PITPNM3: variants seen among roughly 807,000 people sequenced by gnomAD.
PITPNM3 encodes the protein membrane-associated phosphatidylinositol transfer protein 3.
In PITPNM3, 26 loss-of-function variants were observed where a neutral mutation model predicts 102.0. That is an observed-to-expected ratio of 0.25 (90% CI 0.19 to 0.35). The LOEUF (loss-of-function observed/expected upper bound fraction) is 0.35. PITPNM3 is among the 10% of genes least tolerant of loss of function. PITPNM3 has a pLI of 1.00. For missense variants in PITPNM3, 1,083 were observed against 1,346.1 expected (o/e 0.80, Z 3.06); for synonymous variants, 578 against 558.6 (o/e 1.03, Z -0.49).
In PITPNM3 at chr17:6,474,508, C is replaced by T. The variant is rs376435414; in HGVS notation, c.1182G>A (p.Val394=). 12 of 1,613,268 alleles carry T rather than the reference C, an allele frequency of 7.4e-6. No homozygotes were observed. In the African/African-American group the frequency reaches 1.6e-4, roughly 22 times the overall value. Residue 394 remains valine (V), a synonymous_variant, in exon 10 of 20, where the codon GTG becomes GTA. Transcript: ENST00000262483. ...EVSLGRFDFD[V]SDFFLFGSPL... ...GCGAGCCGAAGAGGAAGAAGTCGGA[C>T]ACATCGAAGTCAAAGCGGCCCAGGC...
Position 6,455,552 on chromosome 17 carries a change from C to A in PITPNM3, c.2711G>T (p.Arg904Leu), listed in dbSNP as rs759738734. ...PKKNNSRMIL[R>L]KGSFGLHAQP... ...CGCGTGCAGCCCGAAGCTGCCCTTG[C>A]GCAGGATCATGCGCGAGTTGTTCTT... Residue 904 changes from arginine (R) to leucine (L), a missense_variant, in exon 20 of 20, where the codon CGC becomes CTC. Physicochemically the swap from Arg to Leu is moderately radical, Grantham distance 102. Coordinates refer to ENST00000262483, the MANE Select transcript of PITPNM3 (RefSeq NM_031220.4). The A allele has an allele frequency of 1.9e-6, 3 of 1,603,258 alleles. No homozygotes were observed. The highest frequency in any genetic ancestry group is 1.3e-5 in the African/African-American group (1 of 74,278).
intron 2 of PITPNM3, among the ~76,000 whole-genome samples, chr17:6,531,983 G>A (rs1415147368): frequency 6.6e-6 from 1 of 152,128 alleles, no homozygotes; most frequent in Non-Finnish European, 1.5e-5. Flanking sequence ...GTACATGCCT[G>A]TAATCCCAGC....
Position 6,457,188 on chromosome 17 carries a change from A to G in PITPNM3, c.2619+406T>C, listed in dbSNP as rs1410467871. Among the ~76,000 whole-genome samples, 1 of 151,986 alleles carries G rather than the reference A, an allele frequency of 6.6e-6. No homozygotes were observed. Among genetic ancestry groups the G allele is most frequent in the Admixed American group, 6.6e-5 (1 of 15,260 alleles). ...TGGCTTTTGCTGCTGCCTCTGTCAC[A>G]AATATTCTTCTCAATCTCAGGCCCT... On this transcript the variant is annotated intron_variant, in intron 19 of 19. Transcript: ENST00000262483. The surrounding 1 kb of genome is among the most constrained non-coding windows in gnomAD (Gnocchi z 4.7).
In PITPNM3 at chr17:6,468,718, C is replaced by T. The variant is rs977807827; in HGVS notation, c.1774-377G>A. ...TCTTGAGGACGTTGCTCCAGCCATG[C>T]TCCCCTCCCAATCCCGCAGAGCTGA... On this transcript the variant is annotated intron_variant, in intron 13 of 19. Coordinates refer to ENST00000262483, the MANE Select transcript of PITPNM3 (RefSeq NM_031220.4). This position sits in a 1 kb window ranked among gnomAD's most constrained non-coding sequence, Gnocchi z 5.2. Among the ~76,000 whole-genome samples the T allele has an allele frequency of 3.9e-5, 6 of 152,182 alleles. No homozygotes were observed. The highest frequency in any genetic ancestry group is 1.2e-4 in the African/African-American group (5 of 41,446).
intron 2 of PITPNM3, among the ~76,000 whole-genome samples, chr17:6,533,209 G>A (rs955906439): frequency 4.6e-5 from 7 of 152,014 alleles, no homozygotes; most frequent in South Asian, 2.1e-4. Context: ...TGATCCACCC[G>A]CCTCAGCCTC....
chr17:6,537,955 C>CA lies in PITPNM3; in HGVS notation c.118+31dup. 6.4e-7 allele frequency: 1 copy of CA among 1,572,212 alleles called. No individual in the cohort carries two copies. The highest frequency in any genetic ancestry group is 8.8e-7 in the Non-Finnish European group (1 of 1,142,842). ...TCTTGAGGCTTCTAGGAAGGTCACC[C>CA]AGCCAGTGATATGAGACTGGGGTTC... On this transcript the variant is annotated intron_variant, in intron 2 of 19. Transcript: ENST00000262483. This position sits in a 1 kb window ranked among gnomAD's most constrained non-coding sequence, Gnocchi z 4.4.
intron 2 of PITPNM3, among the ~76,000 whole-genome samples, chr17:6,531,405 C>G (rs984289535): frequency 6.6e-6 from 1 of 152,216 alleles, no homozygotes; most frequent in Non-Finnish European, 1.5e-5. Flanking sequence ...TAGCCAGGAA[C>G]CCTGGGAAAC....
chr17:6,524,175 C>T (rs534624832), intron 3 of PITPNM3, among the ~76,000 whole-genome samples: 11 of 152,308 alleles, frequency 7.2e-5, no homozygotes, highest in East Asian at 3.9e-4. Context: ...CCAAGGCAGC[C>T]GTTCCCGTGG....
chr17:6,539,898 A>C (rs1261720560), intron 1 of PITPNM3, among the ~76,000 whole-genome samples: 3 of 152,230 alleles, frequency 2.0e-5, no homozygotes, highest in African/African-American at 7.2e-5. Context: ...TTTAGATAGT[A>C]AGAAGCAAGA....
chr17:6,535,092 G>T (rs1909340740), intron 2 of PITPNM3, among the ~76,000 whole-genome samples: 1 of 152,176 alleles, frequency 6.6e-6, no homozygotes. Flanking sequence ...GGATGTCTGA[G>T]TGGGGCTGGA....
At chr17:6,538,425 G>A (rs770113253) in intron 1 of PITPNM3, among the ~76,000 whole-genome samples, 3 of 152,164 alleles carry the variant, frequency 2.0e-5, no homozygotes, top group African/African-American at 2.4e-5. Flanking sequence ...GAGCTCAGAC[G>A]TTTAAACATC....
Position 6,470,503 on chromosome 17 carries a change from G to A in PITPNM3, c.1625-95C>T. ...CCCATTGCACAGACTGGTGGTGGATGCCCCACGTGGGGCACGGGTTTGGGC... is the reference window on the plus strand; with the variant it reads ...CCCATTGCACAGACTGGTGGTGGATACCCCACGTGGGGCACGGGTTTGGGC... On this transcript the variant is annotated intron_variant, in intron 12 of 19. Coordinates refer to ENST00000262483, the MANE Select transcript of PITPNM3 (RefSeq NM_031220.4). This position sits in a 1 kb window ranked among gnomAD's most constrained non-coding sequence, Gnocchi z 4.8. 1 of 1,551,250 alleles carries A rather than the reference G, an allele frequency of 6.4e-7. No homozygotes were observed. The highest frequency in any genetic ancestry group is 8.9e-7 in the Non-Finnish European group (1 of 1,128,320).
In PITPNM3 at chr17:6,469,929, G is replaced by T. The variant is rs1355627099; in HGVS notation, c.1773+331C>A. ...GCCTTTCTGCTATACCTTCTGTTTT[G>T]CAGACGAGGACATTGAGACTCAGTG... is the stretch of plus-strand genomic sequence containing the variant. On this transcript the variant is annotated intron_variant, in intron 13 of 19. Transcript: ENST00000262483. This position sits in a 1 kb window ranked among gnomAD's most constrained non-coding sequence, Gnocchi z 4.0. Among the ~76,000 whole-genome samples the T allele has an allele frequency of 6.6e-6, 1 of 152,116 alleles. No homozygotes were observed. Among genetic ancestry groups the T allele is most frequent in the African/African-American group, 2.4e-5 (1 of 41,424 alleles).
In PITPNM3 at chr17:6,464,750, C is replaced by T. The variant is rs771800472; in HGVS notation, c.1912G>A (p.Ala638Thr). 1 of 1,614,196 alleles carries T rather than the reference C, an allele frequency of 6.2e-7. No individual in the cohort carries two copies. The highest frequency in any genetic ancestry group is 1.7e-5 in the Admixed American group (1 of 60,022). ...KLRNVTANHR[A>T]NDVIAAEDGP... ...TCTTCAGCAGCAATCACATCATTGG[C>T]CCGGTGATTAGCCGTGACATTCTGG... is the stretch of plus-strand genomic sequence containing the variant. Residue 638 changes from alanine (A) to threonine (T), a missense_variant, in exon 15 of 20, where the codon GCC (alanine) becomes ACC (threonine). Physicochemically the swap from Ala to Thr is moderately conservative, Grantham distance 58. Transcript: ENST00000262483.
intron 6 of PITPNM3, among the ~76,000 whole-genome samples, chr17:6,482,918 G>A (rs1015328242): frequency 2.6e-5 from 4 of 151,898 alleles, no homozygotes; most frequent in Admixed American, 1.3e-4. Flanking sequence ...CGACCCTGGG[G>A]GAAACTAGCT....
chr17:6,495,931 C>G (rs772208433), intron 4 of PITPNM3, among the ~76,000 whole-genome samples: 2 of 152,170 alleles, frequency 1.3e-5, no homozygotes, highest in Non-Finnish European at 2.9e-5. Context: ...CATCTCTGCC[C>G]GACTCAGCCC....
rs1907650648 is a variant in PITPNM3, at chr17:6,508,121, CCAG to C, written c.227-4550_227-4548del. ...CAGAGGCCGGAAGAAGCTCGGGGAC[CCAG>C]GTGCCAAGAGGCCAGGAGGTGAGTG... On this transcript the variant is annotated intron_variant, in intron 3 of 19. Coordinates refer to ENST00000262483, the MANE Select transcript of PITPNM3 (RefSeq NM_031220.4). Among the ~76,000 whole-genome samples the C allele has an allele frequency of 3.3e-5, 5 of 151,758 alleles. No homozygotes were observed. The South Asian group carries it at 1.0e-3, about 31-fold the overall frequency.
intron 6 of PITPNM3, among the ~76,000 whole-genome samples, chr17:6,482,806 G>C (rs532579029): frequency 6.6e-6 from 1 of 152,252 alleles, no homozygotes; most frequent in South Asian, 2.1e-4. Flanking sequence ...TGTGTTGACT[G>C]TTATGGTGTG....
rs199984470 is a variant in PITPNM3, at chr17:6,464,210, G to A, written c.2116C>T (p.Arg706Cys). The A allele has an allele frequency of 1.5e-5, 25 of 1,614,172 alleles. No individual in the cohort carries two copies. The highest frequency in any genetic ancestry group is 3.3e-4 in the Middle Eastern group (2 of 6,062). The stretch of plus-strand genomic sequence containing the variant: ...ACAGGATAGACACCAACCCCCAGGC[G>A]CCGGGGCCGCGGCACATTGTATGTG... ...RITYNVPRPR[R>C]LGVGVYPVKM... Residue 706 changes from arginine (R) to cysteine (C), a missense_variant, in exon 16 of 20, where the codon CGC becomes TGC. Around this residue, in one of 5 missense-constraint regions of PITPNM3, gnomAD observed 410 missense variants for 638.4 expected, o/e 0.64. Coordinates refer to ENST00000262483, the MANE Select transcript of PITPNM3 (RefSeq NM_031220.4).
Sources: allele counts gnomAD v4.1 joint callset (sites outside exome capture counted in the v4.1 genomes callset), GRCh38; gene constraint gnomAD v4.1.1; regional missense constraint gnomAD v4.1.1; non-coding constraint Gnocchi (gnomAD v3.1); transcripts MANE v1.5; gene names NCBI Gene and HGNC (gene_info 2026-07-23, HGNC 2026-07-21).